Variants in METTL15 observed in about 807,000 individuals in gnomAD.
METTL15 encodes methyltransferase 15, mitochondrial 12S rRNA N4-cytidine.
In METTL15, 34 loss-of-function variants were observed where a neutral mutation model predicts 38.3. The ratio of observed to expected loss-of-function variants is 0.89; its 90% CI spans 0.68 to 1.18. METTL15 has a LOEUF of 1.18. METTL15 is among the 50% of genes most tolerant of loss of function. The pLI is 0.00. For synonymous variants in METTL15, 162 were observed against 170.9 expected (o/e 0.95, Z 0.41); for missense variants, 438 against 498.4 (o/e 0.88, Z 1.15).
intron 6 of METTL15, among the ~76,000 whole-genome samples, chr11:28,328,840 CT>C (rs1849723173): frequency 6.6e-6 from 1 of 151,850 alleles, no homozygotes; most frequent in Non-Finnish European, 1.5e-5. Context: ...CAGTTTACTT[CT>C]TTTATATATT....
intron 6 of METTL15, among the ~76,000 whole-genome samples, chr11:28,439,357 G>C (rs1259336416): frequency 6.6e-6 from 1 of 152,138 alleles, no homozygotes; most frequent in African/African-American, 2.4e-5. Flanking sequence ...ATAAACGCTC[G>C]CTATGCTGAG....
chr11:28,145,840 CTG>C (rs1849864426), intron 3 of METTL15: 2 of 151,828 alleles, frequency 1.3e-5, no homozygotes, highest in South Asian at 4.1e-4. Flanking sequence ...CTAGAAAAGT[CTG>C]TAATTGAATT....
At chr11:28,365,172 T>C (rs893687687) in intron 5 of METTL15, among the ~76,000 whole-genome samples, 4 of 152,202 alleles carry the variant, frequency 2.6e-5, no homozygotes, top group African/African-American at 9.6e-5. Flanking sequence ...TGTTGTGGTA[T>C]CAGGATGATG....
At chr11:28,114,537 GCCT>G (rs1646927306) in intron 3 of METTL15, among the ~76,000 whole-genome samples, 1 of 149,718 alleles carries the variant, frequency 6.7e-6, no homozygotes, top group African/African-American at 2.5e-5. Flanking sequence ...TGCAACCCCC[GCCT>G]CCTGGGTTCA....
At chr11:28,390,542 T>G (rs1458786067) in intron 5 of METTL15, among the ~76,000 whole-genome samples, 1 of 152,130 alleles carries the variant, frequency 6.6e-6, no homozygotes, top group African/African-American at 2.4e-5. Flanking sequence ...TAGTTGTAGA[T>G]ATGTAGTGTT....
At chr11:28,124,382 G>C (rs946363776) in intron 3 of METTL15, among the ~76,000 whole-genome samples, 3 of 152,114 alleles carry the variant, frequency 2.0e-5, no homozygotes, top group Non-Finnish European at 4.4e-5. Context: ...TGCTGTTCTT[G>C]TCTTCATAAC....
intron 3 of METTL15, chr11:28,123,978 AT>A (rs1852361874): frequency 1.1e-6 from 1 of 908,278 alleles, no homozygotes; most frequent in South Asian, 3.2e-5. Flanking sequence ...GTTGTATAAG[AT>A]TTTACTGTTT....
intron 5 of METTL15, among the ~76,000 whole-genome samples, chr11:28,365,325 G>GT (rs998289964): frequency 2.6e-5 from 4 of 152,076 alleles, no homozygotes; most frequent in Admixed American, 1.3e-4. Flanking sequence ...TGATTGGTAG[G>GT]TTTTTTAATA....
intron 6 of METTL15, among the ~76,000 whole-genome samples, chr11:28,525,945 CAAGGGGAGGCAGCT>C (rs1306103271): frequency 6.6e-6 from 1 of 152,186 alleles, no homozygotes; most frequent in Non-Finnish European, 1.5e-5. Flanking sequence ...ACCCCTGCCC[CAAGGGGAGGCAGCT>C]AAGGCCCGGC....
intron 4 of METTL15, among the ~76,000 whole-genome samples, chr11:28,264,637 C>T (rs1294655021): frequency 4.6e-5 from 7 of 152,046 alleles, no homozygotes. Context: ...AGAGGATAAA[C>T]ATGTAAAACA....
intron 4 of METTL15, among the ~76,000 whole-genome samples, chr11:28,221,228 A>G (rs1389778083): frequency 6.6e-6 from 1 of 152,118 alleles, no homozygotes; most frequent in African/African-American, 2.4e-5. Context: ...CTTTTCACAT[A>G]GTCCCATATT....
chr11:28,112,099 C>T (rs1199782396), intron 2 of METTL15, among the ~76,000 whole-genome samples: 2 of 152,084 alleles, frequency 1.3e-5, no homozygotes, highest in African/African-American at 2.4e-5. Flanking sequence ...TGTTTTATTA[C>T]GTGTGATCAG....
intron 6 of METTL15, among the ~76,000 whole-genome samples, chr11:28,479,095 G>GTGTA (rs1005384676): frequency 2.9e-5 from 4 of 138,528 alleles, no homozygotes; most frequent in African/African-American, 1.1e-4. Context: ...GTGTGTGTGT[G>GTGTA]TTTGCTTTTG....
intron 4 of METTL15, among the ~76,000 whole-genome samples, chr11:28,252,997 TCTAACAGACTTCTAATTTTGGAGTGC>T (rs1447712482): frequency 2.0e-5 from 3 of 152,148 alleles, no homozygotes; most frequent in Admixed American, 6.6e-5. Context: ...CTCCTCCTCC[TCTAACAGACTTCTAATTTTGGAGTGC>T]CTCCAGCCTT....
intron 5 of METTL15, among the ~76,000 whole-genome samples, chr11:28,365,497 T>G (rs1315048830): frequency 2.0e-5 from 3 of 152,198 alleles, no homozygotes; most frequent in Non-Finnish European, 1.5e-5. Flanking sequence ...TTGTTTGTAT[T>G]TCTATGGGAT....
intron 4 of METTL15, among the ~76,000 whole-genome samples, chr11:28,223,658 A>C (rs1335063035): frequency 2.6e-5 from 4 of 152,152 alleles, no homozygotes; most frequent in Admixed American, 1.3e-4. Context: ...GTCAAAACTA[A>C]GTCAGAAATA....
At chr11:28,483,860 A>C (rs1286773888) in intron 6 of METTL15, among the ~76,000 whole-genome samples, 3 of 152,212 alleles carry the variant, frequency 2.0e-5, no homozygotes, top group Middle Eastern at 3.2e-3. Context: ...ATGTGATAAC[A>C]TAATGTGTAC....
chr11:28,345,437 G>A (rs530216071), intron 3 of METTL15, among the ~76,000 whole-genome samples: 4 of 152,242 alleles, frequency 2.6e-5, no homozygotes, highest in East Asian at 1.9e-4. Context: ...TGATCCACCC[G>A]CCTCCGTATC....
chr11:28,469,539 C>T (rs568148258), intron 6 of METTL15, among the ~76,000 whole-genome samples: 1 of 152,272 alleles, frequency 6.6e-6, no homozygotes, highest in South Asian at 2.1e-4. Flanking sequence ...GACTCCACCA[C>T]TACTGGAATA....
Sources: allele counts gnomAD v4.1 joint callset (sites outside exome capture counted in the v4.1 genomes callset), GRCh38; gene constraint gnomAD v4.1.1; transcripts MANE v1.5; gene names NCBI Gene and HGNC (gene_info 2026-07-23, HGNC 2026-07-21).